GPC6: variants seen among roughly 807,000 people sequenced by gnomAD.
The protein encoded by GPC6 is glypican 6.
GPC6 carries 14 observed loss-of-function variants against 55.2 expected under a neutral mutation model. The observed-to-expected ratio is 0.25, with a 90% CI of 0.17 to 0.40. The LOEUF is 0.40. Ranked by LOEUF, GPC6 falls within the 10% of genes least tolerant of loss-of-function variation. The pLI is 1.00. For missense variants in GPC6, 641 were observed against 708.5 expected, an observed-to-expected ratio of 0.90 and a Z score of 1.08; for synonymous variants, 278 against 259.6, an observed-to-expected ratio of 1.07 and a Z score of -0.68.
chr13:93,966,077 A>G (rs1444351828), intron 3 of GPC6, among the ~76,000 whole-genome samples: 1 of 152,134 alleles, frequency 6.6e-6, no homozygotes, highest in Non-Finnish European at 1.5e-5. Context: ...CCTGGGGAAA[A>G]TTATTCCACT....
At chr13:93,341,385 T>A (rs937781283) in intron 1 of GPC6, among the ~76,000 whole-genome samples, 9 of 152,220 alleles carry the variant, frequency 5.9e-5, no homozygotes, top group African/African-American at 1.9e-4. Flanking sequence ...AGTGTTCCCT[T>A]TCACCACATC....
At chr13:94,227,363 G>A (rs547505578) in intron 4 of GPC6, among the ~76,000 whole-genome samples, 3 of 152,210 alleles carry the variant, frequency 2.0e-5, no homozygotes, top group South Asian at 2.1e-4. Context: ...TAAAAAATTC[G>A]TACCAGATAC....
At position 94,407,553 on chromosome 13, in the gene GPC6, C is replaced by T. The variant is rs902972976; in HGVS notation, c.*4336C>T. On this transcript the variant is annotated 3_prime_UTR_variant, in exon 9 of 9. Transcript: ENST00000377047. ...AAACAGTGCCACTCTCCTAAGTACACTCAGCATCTGAAATCAGGAACTATT... is the reference window on the plus strand; with the variant it reads ...AAACAGTGCCACTCTCCTAAGTACATTCAGCATCTGAAATCAGGAACTATT... Among the ~76,000 whole-genome samples the T allele has an allele frequency of 3.3e-5, 5 of 152,082 alleles. No individual in the cohort carries two copies. The highest frequency in any genetic ancestry group is 7.2e-5 in the African/African-American group (3 of 41,422).
At chr13:94,033,525 T>C (rs1346615888) in intron 4 of GPC6, among the ~76,000 whole-genome samples, 1 of 152,220 alleles carries the variant, frequency 6.6e-6, no homozygotes, top group African/African-American at 2.4e-5. Context: ...AAACTCAGAT[T>C]TTCTTTTGTA....
intron 1 of GPC6, among the ~76,000 whole-genome samples, chr13:93,543,993 C>CA (rs1882436934): frequency 6.6e-6 from 1 of 152,012 alleles, no homozygotes; most frequent in South Asian, 2.1e-4. Flanking sequence ...TTTCTGATAA[C>CA]AACCATCCTA....
intron 4 of GPC6, among the ~76,000 whole-genome samples, chr13:94,095,750 G>A (rs1327760320): frequency 6.6e-6 from 1 of 152,150 alleles, no homozygotes; most frequent in African/African-American, 2.4e-5. Flanking sequence ...GATGGAGGGG[G>A]AGAAATTGGG....
At chr13:94,247,916 A>T (rs1405828795) in intron 4 of GPC6, among the ~76,000 whole-genome samples, 3 of 151,922 alleles carry the variant, frequency 2.0e-5, no homozygotes, top group Non-Finnish European at 4.4e-5. Flanking sequence ...AGTGCATTGC[A>T]GCCTTAAACT....
chr13:93,788,518 T>TAC (rs71203703), intron 2 of GPC6, among the ~76,000 whole-genome samples: 6,134 of 147,970 alleles, frequency 0.041, 347 homozygotes, highest in African/African-American at 0.13. Context: ...GTTCACTCTT[T>TAC]ACACACACAC....
intron 4 of GPC6, among the ~76,000 whole-genome samples, chr13:94,163,563 A>G (rs1252943574): frequency 6.6e-6 from 1 of 152,218 alleles, no homozygotes; most frequent in Non-Finnish European, 1.5e-5. Flanking sequence ...TTTAAAAGGT[A>G]GCTTTATTCC....
chr13:93,889,791 A>T (rs1875557999), intron 3 of GPC6, among the ~76,000 whole-genome samples: 1 of 151,988 alleles, frequency 6.6e-6, no homozygotes, highest in Non-Finnish European at 1.5e-5. Context: ...CTCTACTTGG[A>T]GTTTGCTATG....
intron 1 of GPC6, among the ~76,000 whole-genome samples, chr13:93,457,491 C>A (rs1229274969): frequency 6.6e-6 from 1 of 152,168 alleles, no homozygotes; most frequent in East Asian, 1.9e-4. Context: ...CTTAGAACCA[C>A]AAAGGTATGT....
At chr13:93,965,294 C>A (rs1262617798) in intron 3 of GPC6, among the ~76,000 whole-genome samples, 2 of 151,636 alleles carry the variant, frequency 1.3e-5, no homozygotes, top group Non-Finnish European at 2.9e-5. Flanking sequence ...GCCTGTAGTC[C>A]CAGCTACTCG....
chr13:93,896,978 C>T (rs899494053), intron 3 of GPC6, among the ~76,000 whole-genome samples: 1 of 135,674 alleles, frequency 7.4e-6, no homozygotes. Flanking sequence ...GTTTAAACCT[C>T]ATTATTCTTT....
chr13:93,614,662 A>G (rs1018639675), intron 2 of GPC6, among the ~76,000 whole-genome samples: 2 of 152,018 alleles, frequency 1.3e-5, no homozygotes, highest in African/African-American at 4.8e-5. Context: ...ATCCCCCTAT[A>G]TTTTTTTCAA....
intron 2 of GPC6, among the ~76,000 whole-genome samples, chr13:93,701,478 A>G (rs1410696441): frequency 6.6e-6 from 1 of 151,982 alleles, no homozygotes; most frequent in Non-Finnish European, 1.5e-5. Flanking sequence ...CTCAGTGTTG[A>G]GGGCTGCTGA....
chr13:94,115,566 T>G (rs1162993253), intron 4 of GPC6, among the ~76,000 whole-genome samples: 1 of 152,086 alleles, frequency 6.6e-6, no homozygotes, highest in Non-Finnish European at 1.5e-5. Flanking sequence ...AACCAGCTAG[T>G]CATGACCAGA....
intron 5 of GPC6, among the ~76,000 whole-genome samples, chr13:94,287,538 T>C (rs1444967468): frequency 2.0e-5 from 3 of 152,132 alleles, no homozygotes; most frequent in Non-Finnish European, 2.9e-5. Context: ...ACTGGTAGGA[T>C]GAAGGAGAAG....
intron 2 of GPC6, among the ~76,000 whole-genome samples, chr13:93,629,313 G>A (rs1472133884): frequency 6.6e-6 from 1 of 152,004 alleles, no homozygotes; most frequent in Non-Finnish European, 1.5e-5. Flanking sequence ...TTTGTGGCCT[G>A]TTATATCTAG....
chr13:93,677,871 A>T (rs7988299), intron 2 of GPC6, among the ~76,000 whole-genome samples: 6,586 of 152,210 alleles, frequency 0.043, 481 homozygotes, highest in African/African-American at 0.15. Flanking sequence ...GATAAAATGG[A>T]TAATACTGAT....
Sources: allele counts gnomAD v4.1 joint callset (sites outside exome capture counted in the v4.1 genomes callset), GRCh38; gene constraint gnomAD v4.1.1; transcripts MANE v1.5; gene names NCBI Gene and HGNC (gene_info 2026-07-23, HGNC 2026-07-21).